Variants in MAP4K3 observed in about 807,000 individuals in gnomAD.
The protein encoded by MAP4K3 is mitogen-activated protein kinase kinase kinase kinase 3.
Under a neutral mutation model 143.5 loss-of-function variants are expected in MAP4K3, and 94 were observed. That is an observed-to-expected ratio of 0.65 (90% CI 0.55 to 0.78). MAP4K3 has a LOEUF of 0.78. MAP4K3 is among the 30% of genes least tolerant of loss of function. The probability of loss-of-function intolerance (pLI) is 0.00; values close to 1 mark genes in which losing one functional copy is unlikely to be tolerated. For missense variants in MAP4K3, 1,077 were observed against 1,068.1 expected (o/e 1.01, Z -0.12); for synonymous variants, 416 against 347.2 (o/e 1.20, Z -2.20).
chr2:39,360,775 C>A (rs569397431), intron 2 of MAP4K3, among the ~76,000 whole-genome samples: 13 of 152,196 alleles, frequency 8.5e-5, no homozygotes, highest in African/African-American at 3.1e-4. Flanking sequence ...ACTTATAAAA[C>A]CATCAGATCT....
In MAP4K3 at chr2:39,356,758, A is replaced by G. The variant is rs141425419; in HGVS notation, c.155-419T>C. Among the ~76,000 whole-genome samples the G allele has an allele frequency of 8.5e-5, 13 of 152,348 alleles. No homozygotes were observed. In the East Asian group the frequency reaches 2.3e-3, roughly 27 times the overall value. The stretch of plus-strand genomic sequence containing the variant: ...GTGCCTGGCATGGAGTATGCTTTAT[A>G]CAAGTATTTGCTATTATTATTATGC... On this transcript the variant is annotated intron_variant, in intron 2 of 33. Coordinates refer to ENST00000263881, the MANE Select transcript of MAP4K3 (RefSeq NM_003618.4).
At position 39,328,383 on chromosome 2, in the gene MAP4K3, C is replaced by T. The variant is rs74969105; in HGVS notation, c.531-2106G>A. On this transcript the variant is annotated intron_variant, in intron 8 of 33. Transcript: ENST00000263881. ...ATTAGTGAATGCTTTAGAAAGACTT[C>T]GCTTTTAGAAAGGCAAATTTCTAAA... is the stretch of plus-strand genomic sequence containing the variant. Among the ~76,000 whole-genome samples the T allele has an allele frequency of 6.9e-3, 1,047 of 152,212 alleles. 5 individuals are homozygous for T. Among genetic ancestry groups the T allele is most frequent in the Non-Finnish European group, 0.012 (819 of 67,996 alleles).
chr2:39,349,772 A>G (rs1665398204), intron 3 of MAP4K3, among the ~76,000 whole-genome samples: 1 of 152,120 alleles, frequency 6.6e-6, no homozygotes, highest in Admixed American at 6.5e-5. Flanking sequence ...GAGATGGAGG[A>G]GAAAGAAAAA....
chr2:39,424,737 G>T (rs1452948521), intron 1 of MAP4K3, among the ~76,000 whole-genome samples: 1 of 149,786 alleles, frequency 6.7e-6, no homozygotes, highest in Non-Finnish European at 1.5e-5. Context: ...AAGCTGAGGT[G>T]AGAGAATCAC....
chr2:39,398,794 G>A (rs1218759610), intron 1 of MAP4K3, among the ~76,000 whole-genome samples: 1 of 150,398 alleles, frequency 6.6e-6, no homozygotes, highest in African/African-American at 2.4e-5. Flanking sequence ...TATAATCCCA[G>A]CACTTTGGGA....
At chr2:39,338,164 G>C (rs927726617) in intron 4 of MAP4K3, among the ~76,000 whole-genome samples, 2 of 152,126 alleles carry the variant, frequency 1.3e-5, no homozygotes, top group Non-Finnish European at 2.9e-5. Flanking sequence ...TTTATGGAAT[G>C]AATGAATGTC....
At chr2:39,271,533 G>A (rs1454767114) in intron 26 of MAP4K3, among the ~76,000 whole-genome samples, 2 of 152,270 alleles carry the variant, frequency 1.3e-5, no homozygotes, top group African/African-American at 2.4e-5. Flanking sequence ...AAAGAACAGA[G>A]CATAATAACA....
intron 2 of MAP4K3, among the ~76,000 whole-genome samples, chr2:39,365,726 G>C (rs190686283): frequency 1.5e-4 from 22 of 151,450 alleles, no homozygotes; most frequent in Admixed American, 7.9e-4. Context: ...TTACAGGCGT[G>C]AGCCACCGCG....
At chr2:39,337,804 C>T (rs184125881) in intron 4 of MAP4K3, among the ~76,000 whole-genome samples, 1 of 134,030 alleles carries the variant, frequency 7.5e-6, no homozygotes, top group African/African-American at 2.8e-5. Context: ...ATTATGTCAC[C>T]CAGGCTGGAG....
intron 15 of MAP4K3, among the ~76,000 whole-genome samples, chr2:39,301,735 G>C (rs944267328): frequency 6.6e-6 from 1 of 151,954 alleles, no homozygotes; most frequent in African/African-American, 2.4e-5. Context: ...TAAAAATAAA[G>C]GAAATAGGCC....
At chr2:39,436,829 C>A in intron 1 of MAP4K3, 63 bp downstream of exon 1, 1 of 1,429,426 alleles carries the variant, frequency 7.0e-7, no homozygotes, top group South Asian at 1.2e-5. Context: ...AGGGCTCGGA[C>A]GCCCAGGCTT....
intron 1 of MAP4K3, among the ~76,000 whole-genome samples, chr2:39,431,387 T>G (rs1665282240): frequency 6.6e-6 from 1 of 152,206 alleles, no homozygotes. Context: ...GGATATCTTT[T>G]CTCATTCTAA....
rs768931983 is a variant in MAP4K3, at chr2:39,436,963, G to A, written c.25C>T (p.Arg9Cys). Reference sequence around the variant, plus strand: ...TCGAAGTCCTCCTGCGGGTTCCGGCGGGACAAATCGAAGCCGGGGTTCATG... The same window carrying A: ...TCGAAGTCCTCCTGCGGGTTCCGGCAGGACAAATCGAAGCCGGGGTTCATG... Reference protein sequence around the residue: MNPGFDLSRRNPQEDFELI... With the variant: MNPGFDLSCRNPQEDFELI... Residue 9 changes from arginine (R) to cysteine (C), a missense_variant, in exon 1 of 34, where the codon CGC (arginine) becomes TGC (cysteine). By Grantham distance (180) the Arg-to-Cys change is radical. Transcript: ENST00000263881. The A allele has an allele frequency of 6.8e-6, 11 of 1,612,306 alleles. No homozygotes were observed. Among genetic ancestry groups the A allele is most frequent in the Non-Finnish European group, 9.3e-6 (11 of 1,179,360 alleles).
At chr2:39,417,515 C>G (rs1234890192) in intron 1 of MAP4K3, among the ~76,000 whole-genome samples, 1 of 151,164 alleles carries the variant, frequency 6.6e-6, no homozygotes, top group Non-Finnish European at 1.5e-5. Context: ...ACCGCACCCG[C>G]CCGAAAGCCA....
chr2:39,338,698 G>A (rs1172591630), intron 4 of MAP4K3, among the ~76,000 whole-genome samples: 2 of 152,168 alleles, frequency 1.3e-5, no homozygotes, highest in African/African-American at 4.8e-5. Context: ...TCTCAAAGAG[G>A]CAGGACACTG....
intron 3 of MAP4K3, among the ~76,000 whole-genome samples, chr2:39,346,903 G>A (rs1267910193): frequency 6.6e-6 from 1 of 151,730 alleles, no homozygotes; most frequent in African/African-American, 2.4e-5. Context: ...GCTCCAATTT[G>A]GATATATCTA....
intron 2 of MAP4K3, among the ~76,000 whole-genome samples, chr2:39,373,297 T>G (rs1411425838): frequency 6.6e-6 from 1 of 152,072 alleles, no homozygotes; most frequent in Non-Finnish European, 1.5e-5. Context: ...TAAATGCTGG[T>G]GAGAATGTGG....
intron 1 of MAP4K3, among the ~76,000 whole-genome samples, chr2:39,388,626 A>T (rs534973206): frequency 5.5e-4 from 83 of 152,288 alleles, no homozygotes; most frequent in East Asian, 1.9e-3. Flanking sequence ...GGTTGGGGAA[A>T]AGGGCTCTAT....
Position 39,437,111 on chromosome 2 carries a change from C to A in MAP4K3, c.-124G>T. On this transcript the variant is annotated 5_prime_UTR_variant, in exon 1 of 34. Transcript: ENST00000263881. ...CCCCGGCGGTCACAATCACCCGGCT[C>A]CACGCTGCGGCCGCCGCCGCCGCCG... 1.7e-6 allele frequency: 1 copy of A among 597,430 alleles called. No individual in the cohort carries two copies. The allele number at this position is 597,430 out of a possible 1,614,324, so 37.0% of individuals were successfully genotyped here.
Sources: gnomAD v4.1 joint callset for allele counts (sites outside exome capture counted in the v4.1 genomes callset) on GRCh38, gnomAD v4.1.1 for gene constraint, MANE v1.5 for transcripts, NCBI Gene and HGNC (gene_info 2026-07-23, HGNC 2026-07-21) for gene names.